RUNDC3B: variants seen among roughly 807,000 people sequenced by gnomAD.
The protein encoded by RUNDC3B is RUN domain-containing protein 3B.
In RUNDC3B, 33 loss-of-function variants were observed where a neutral mutation model predicts 58.4. That is an observed-to-expected ratio of 0.56 (90% CI 0.43 to 0.75). The LOEUF (loss-of-function observed/expected upper bound fraction) is 0.75, where lower values mean the gene tolerates loss of function less well. Ranked by LOEUF, RUNDC3B falls within the 30% of genes least tolerant of loss-of-function variation. The pLI, the probability that RUNDC3B is intolerant of heterozygous loss-of-function variation, is 0.00. For synonymous variants in RUNDC3B, 193 were observed against 195.2 expected (o/e 0.99, Z 0.10); for missense variants, 501 against 535.7 (o/e 0.94, Z 0.64).
At chr7:87,737,371 A>G (rs1336060754) in intron 4 of RUNDC3B, among the ~76,000 whole-genome samples, 2 of 152,154 alleles carry the variant, frequency 1.3e-5, no homozygotes, top group African/African-American at 4.8e-5. Context: ...GGTAAAATGA[A>G]AAGGTTGAAA....
chr7:87,711,890 GAAAAT>G (rs1830124347), intron 4 of RUNDC3B, among the ~76,000 whole-genome samples: 1 of 151,980 alleles, frequency 6.6e-6, no homozygotes, highest in Non-Finnish European at 1.5e-5. Context: ...TGAAAGAAAA[GAAAAT>G]AATTACAACT....
At chr7:87,770,848 C>A (rs1834238181) in intron 7 of RUNDC3B, 99 bp downstream of exon 7, 3 of 755,254 alleles carry the variant, frequency 4.0e-6, no homozygotes, top group Non-Finnish European at 6.3e-6. Flanking sequence ...ATTATTTATC[C>A]ATTGCTGCTT....
In RUNDC3B at chr7:87,807,421, C is replaced by A. The variant is rs753482019; in HGVS notation, c.1005C>A (p.Ala335=). The A allele has an allele frequency of 4.3e-6, 7 of 1,613,484 alleles. No homozygotes were observed. Among genetic ancestry groups the A allele is most frequent in the Non-Finnish European group, 5.1e-6 (6 of 1,179,606 alleles). The change falls in exon 9 of 11, where the codon GCC becomes GCA. Residue 335 remains alanine (A), a synonymous_variant. Coordinates refer to ENST00000394654, the MANE Select transcript of RUNDC3B (RefSeq NM_001134405.2). ...NDLRSRQELT[A]HLTNQWPSPG... ...TAAGATCGAGACAAGAGTTAACTGC[C>A]CATCTCACCAACCAGTGGCCTTCTC...
At chr7:87,664,662 C>T (rs936140276) in intron 2 of RUNDC3B, among the ~76,000 whole-genome samples, 2 of 151,868 alleles carry the variant, frequency 1.3e-5, no homozygotes, top group East Asian at 1.9e-4. Flanking sequence ...GATAGAGGTG[C>T]GTATATGAAT....
intron 8 of RUNDC3B, among the ~76,000 whole-genome samples, chr7:87,803,930 TGAG>T (rs1163976003): frequency 1.3e-5 from 2 of 152,074 alleles, no homozygotes; most frequent in East Asian, 3.9e-4. Flanking sequence ...AATTATATGT[TGAG>T]GAGATTCAGC....
At chr7:87,790,455 T>G (rs1245731005) in intron 8 of RUNDC3B, among the ~76,000 whole-genome samples, 2 of 152,002 alleles carry the variant, frequency 1.3e-5, no homozygotes, top group Non-Finnish European at 2.9e-5. Context: ...TCTACAAACA[T>G]CAGACCATCC....
chr7:87,686,935 G>T lies in RUNDC3B; in HGVS notation c.239-13486G>T, dbSNP rs114314197. 3.5e-3 allele frequency among the ~76,000 whole-genome samples: 506 copies of T among 146,330 alleles called. 6 individuals are homozygous for T. Among genetic ancestry groups the T allele is most frequent in the African/African-American group, 0.012 (470 of 39,468 alleles). ...CACTCCAGCCTGGACAACAGAGGGA[G>T]ACTCTATCTCCAAAAGAAAAAAAAA... On this transcript the variant is annotated intron_variant, in intron 2 of 10. Coordinates refer to ENST00000394654, the MANE Select transcript of RUNDC3B (RefSeq NM_001134405.2).
At chr7:87,772,156 A>G (rs539469107) in intron 7 of RUNDC3B, among the ~76,000 whole-genome samples, 1 of 152,300 alleles carries the variant, frequency 6.6e-6, no homozygotes, top group South Asian at 2.1e-4. Context: ...GAAAGTGATG[A>G]ATTTTGAGCA....
intron 3 of RUNDC3B, chr7:87,709,419 C>T (rs1341750323): frequency 2.5e-5 from 25 of 985,354 alleles, no homozygotes; most frequent in Middle Eastern, 1.0e-3. Flanking sequence ...CTGTTCCAAT[C>T]AGCTACAGCT....
chr7:87,700,673 A>G, intron 3 of RUNDC3B, 119 bp downstream of exon 3: 1 of 897,940 alleles, frequency 1.1e-6, no homozygotes, highest in East Asian at 2.4e-5. Context: ...ATAATAAAAT[A>G]CGTCCTGTTC....
chr7:87,738,961 T>A (rs1832154258), intron 4 of RUNDC3B, among the ~76,000 whole-genome samples: 1 of 151,882 alleles, frequency 6.6e-6, no homozygotes, highest in African/African-American at 2.4e-5. Context: ...TGGTGTTCAC[T>A]CTCTTATATG....
At chr7:87,637,875 T>A (rs933593440) in intron 1 of RUNDC3B, among the ~76,000 whole-genome samples, 3 of 152,104 alleles carry the variant, frequency 2.0e-5, no homozygotes, top group African/African-American at 7.2e-5. Context: ...TCTTCCTTTT[T>A]CAATCTTTAT....
At chr7:87,742,575 A>AATAGATAGATAG (rs3028187) in intron 6 of RUNDC3B, among the ~76,000 whole-genome samples, 486 of 147,854 alleles carry the variant, frequency 3.3e-3, no homozygotes, top group East Asian at 5.6e-3. Flanking sequence ...ATCATAGATA[A>AATAGATAGATAG]ATAGATAGAT....
chr7:87,754,115 A>G (rs1833208302), intron 6 of RUNDC3B, among the ~76,000 whole-genome samples: 1 of 152,166 alleles, frequency 6.6e-6, no homozygotes, highest in Non-Finnish European at 1.5e-5. Flanking sequence ...TGAACTTTCC[A>G]CCTCCAAATA....
rs117200082 is a variant in RUNDC3B at position 87,760,677 on chromosome 7, A to G, written c.630-9904A>G. ...TAAAATTCTGGAAATAAACCCATAC[A>G]TTTGTGGTCAGTGGAGTTTTGAAAA... On this transcript the variant is annotated intron_variant, in intron 6 of 10. Transcript: ENST00000394654. Among the ~76,000 whole-genome samples the G allele has an allele frequency of 5.0e-3, 755 of 152,204 alleles. 5 individuals carry two copies. Among genetic ancestry groups the G allele is most frequent in the Non-Finnish European group, 8.2e-3 (556 of 67,960 alleles).
intron 3 of RUNDC3B, among the ~76,000 whole-genome samples, chr7:87,703,539 G>A (rs1042907537): frequency 6.6e-6 from 1 of 151,946 alleles, no homozygotes; most frequent in East Asian, 1.9e-4. Flanking sequence ...TTCAACCAAG[G>A]GGTTGTAGCA....
In RUNDC3B at chr7:87,807,451, A is replaced by T. The variant is rs750987124; in HGVS notation, c.1035A>T (p.Gly345=). 3.1e-6 allele frequency: 5 copies of T among 1,613,060 alleles called. No homozygotes were observed. Among genetic ancestry groups the T allele is most frequent in the Non-Finnish European group, 4.2e-6 (5 of 1,179,092 alleles). The change falls in exon 9 of 11, where the codon GGA becomes GGT. Residue 345 remains glycine, a synonymous_variant. Coordinates refer to ENST00000394654, the MANE Select transcript of RUNDC3B (RefSeq NM_001134405.2). ...TCACCAACCAGTGGCCTTCTCCAGG[A>T]GCTCTGGATGTCAATGCTGTTGCCT... ...AHLTNQWPSP[G]ALDVNAVALD...
At chr7:87,823,748 T>C (rs1837627846) in intron 10 of RUNDC3B, among the ~76,000 whole-genome samples, 1 of 151,914 alleles carries the variant, frequency 6.6e-6, no homozygotes, top group Non-Finnish European at 1.5e-5. Flanking sequence ...ATGCCATTAA[T>C]TCATTCCTTT....
intron 6 of RUNDC3B, 23 bp downstream of exon 6, chr7:87,741,602 T>C (rs368433513): frequency 1.8e-4 from 235 of 1,336,032 alleles, no homozygotes; most frequent in Non-Finnish European, 2.2e-4. Context: ...TTGAGATATG[T>C]TTTTTAAAAT....
Sources: gnomAD v4.1 joint callset for allele counts (sites outside exome capture counted in the v4.1 genomes callset) on GRCh38, gnomAD v4.1.1 for gene constraint, MANE v1.5 for transcripts, NCBI Gene and HGNC (gene_info 2026-07-23, HGNC 2026-07-21) for gene names.